The following NCKAP5 variants were observed in gnomAD, a reference collection of about 807,000 sequenced individuals.
The protein encoded by NCKAP5 is NCK associated protein 5.
A neutral mutation model predicts 167.0 loss-of-function variants in NCKAP5; 92 were observed. The observed-to-expected ratio is 0.55, with a 90% confidence interval of 0.47 to 0.66. The LOEUF is 0.66. Among genes scored for constraint, NCKAP5 ranks in the 30% least tolerant of loss-of-function variants. The probability of loss-of-function intolerance (pLI) is 0.00; values close to 1 mark genes in which losing one functional copy is unlikely to be tolerated. For synonymous variants in NCKAP5, 891 were observed against 877.4 expected (o/e 1.02, Z -0.27); for missense variants, 2,378 against 2,315.0 (o/e 1.03, Z -0.56).
chr2:133,574,166 TG>T, the NCKAP5 span, among the ~76,000 whole-genome samples: 1 of 152,100 alleles, frequency 6.6e-6, no homozygotes, highest in Non-Finnish European at 1.5e-5. Flanking sequence ...GACTTTCCCC[TG>T]TGTGAAACCT....
intron 1 of NCKAP5, among the ~76,000 whole-genome samples, chr2:133,565,220 C>T (rs1688462325): frequency 6.6e-6 from 1 of 152,174 alleles, no homozygotes; most frequent in Non-Finnish European, 1.5e-5. Context: ...TAATTCCCAT[C>T]GAAATCATCT....
At chr2:133,013,578 AATGACCTCTTACTGGGTTCCTCCC>A (rs1005949098) in intron 6 of NCKAP5, among the ~76,000 whole-genome samples, 3 of 152,114 alleles carry the variant, frequency 2.0e-5, no homozygotes, top group African/African-American at 7.2e-5. Flanking sequence ...TCCACAATTC[AATGACCTCTTACTGGGTTCCTCCC>A]ATGACACATG....
chr2:132,939,290 A>G (rs1017028188), intron 8 of NCKAP5, among the ~76,000 whole-genome samples: 16 of 152,240 alleles, frequency 1.1e-4, no homozygotes, highest in African/African-American at 3.6e-4. Flanking sequence ...GGCATTCTAC[A>G]GAACAGATAA....
At chr2:133,115,775 GTATATATATATATA>G (rs10683280) in intron 6 of NCKAP5, among the ~76,000 whole-genome samples, 1,107 of 94,304 alleles carry the variant, frequency 0.012, 36 homozygotes, top group East Asian at 0.046. Flanking sequence ...ATGTGTGTGT[GTATATATATATATA>G]TATATATATA....
intron 6 of NCKAP5, among the ~76,000 whole-genome samples, chr2:133,044,060 T>C (rs1400699540): frequency 6.6e-6 from 1 of 152,156 alleles, no homozygotes; most frequent in Non-Finnish European, 1.5e-5. Flanking sequence ...GTGATGTAAT[T>C]GGCATTGCAG....
chr2:132,895,558 G>C (rs187000366), intron 8 of NCKAP5, among the ~76,000 whole-genome samples: 2 of 152,202 alleles, frequency 1.3e-5, no homozygotes, highest in African/African-American at 4.8e-5. Flanking sequence ...TGGAGTCATT[G>C]CTGTGGCTGT....
chr2:133,574,856 C>A, the NCKAP5 span, among the ~76,000 whole-genome samples: 1 of 152,112 alleles, frequency 6.6e-6, no homozygotes, highest in African/African-American at 2.4e-5. Flanking sequence ...TGGGTAGGGG[C>A]AGCCAGAGGA....
intron 5 of NCKAP5, among the ~76,000 whole-genome samples, chr2:133,149,051 C>T (rs975379778): frequency 5.3e-5 from 8 of 152,082 alleles, no homozygotes; most frequent in African/African-American, 1.7e-4. Flanking sequence ...TGTCTTAATT[C>T]CTTGCCTTAT....
chr2:133,617,340 T>A, the NCKAP5 span, among the ~76,000 whole-genome samples: 53 of 151,750 alleles, frequency 3.5e-4, no homozygotes, highest in Non-Finnish European at 6.6e-4. Flanking sequence ...AGGCATTCAA[T>A]TAGGAAAAGA....
In NCKAP5 at chr2:133,518,385, C is replaced by T. The variant is rs530239535; in HGVS notation, c.-61-798G>A. Among the ~76,000 whole-genome samples, 165 of 101,144 alleles carry T rather than the reference C, an allele frequency of 1.6e-3. 1 individual carries two copies. Among genetic ancestry groups the T allele is most frequent in the Admixed American group, 2.7e-3 (17 of 6,270 alleles). The allele number at this position is 101,144 out of a possible 152,430, so 66.4% of individuals were successfully genotyped here. A position where few individuals can be genotyped will look rare whatever the true frequency, so the allele number is the denominator to read the frequency against. Reference sequence around the variant, plus strand: ...TTTTTTTTTTTTTGGGATGGAATCTCGCTCTGTCACCCAGGCTGGAGTACA... The same window carrying T: ...TTTTTTTTTTTTTGGGATGGAATCTTGCTCTGTCACCCAGGCTGGAGTACA... On this transcript the variant is annotated intron_variant, in intron 2 of 19. Transcript: ENST00000409261.
rs149013920 is a variant in NCKAP5 at position 133,411,655 on chromosome 2, A to G, written c.69+105803T>C. 4.8e-3 allele frequency among the ~76,000 whole-genome samples: 729 copies of G among 152,186 alleles called. 4 individuals carry two copies. Among genetic ancestry groups the G allele is most frequent in the Middle Eastern group, 0.017 (5 of 294 alleles). On this transcript the variant is annotated intron_variant, in intron 3 of 19. Transcript: ENST00000409261. ...TGAACGGAAAACAGGGAGGGTGCGG[A>G]TATCTTTGTGTACTCTGCTCTGATT...
At chr2:133,340,789 T>C (rs1347717566) in intron 3 of NCKAP5, among the ~76,000 whole-genome samples, 2 of 152,190 alleles carry the variant, frequency 1.3e-5, no homozygotes, top group Non-Finnish European at 2.9e-5. Context: ...GAGATGAATA[T>C]AAATCTTAAA....
intron 5 of NCKAP5, among the ~76,000 whole-genome samples, chr2:133,174,715 TC>T (rs546498041): frequency 0.052 from 7,433 of 143,302 alleles, 231 homozygotes; most frequent in African/African-American, 0.061. Flanking sequence ...TTTTTTTTTT[TC>T]TCCCCCCTGC....
At chr2:133,066,378 T>C (rs1287082213) in intron 6 of NCKAP5, among the ~76,000 whole-genome samples, 2 of 152,222 alleles carry the variant, frequency 1.3e-5, no homozygotes, top group Non-Finnish European at 2.9e-5. Context: ...TACAATTCTA[T>C]AATTAAATTC....
intron 19 of NCKAP5, among the ~76,000 whole-genome samples, chr2:132,684,627 T>C (rs1685690542): frequency 6.6e-6 from 1 of 152,176 alleles, no homozygotes; most frequent in Non-Finnish European, 1.5e-5. Context: ...ACTAGTTGTA[T>C]TATAAACTGC....
intron 6 of NCKAP5, among the ~76,000 whole-genome samples, chr2:133,008,064 T>A (rs911946338): frequency 1.3e-5 from 2 of 152,184 alleles, no homozygotes; most frequent in African/African-American, 2.4e-5. Flanking sequence ...TATATGGGAC[T>A]ACTACTCAGT....
chr2:132,725,447 C>G (rs1690356428), intron 19 of NCKAP5, among the ~76,000 whole-genome samples, 180 bp downstream of exon 19: 1 of 152,086 alleles, frequency 6.6e-6, no homozygotes, highest in Non-Finnish European at 1.5e-5. Context: ...AAGATTACAC[C>G]AGAAAACAAA....
the NCKAP5 span, among the ~76,000 whole-genome samples, chr2:133,583,785 G>A: frequency 5.9e-4 from 89 of 151,822 alleles, 2 homozygotes; most frequent in East Asian, 0.016. Context: ...GTGGAGTCTC[G>A]CTCTGTCGCC....
Position 132,785,373 on chromosome 2 carries a change from C to T in NCKAP5, c.1438G>A (p.Asp480Asn), listed in dbSNP as rs758470126. 1.1e-5 allele frequency: 17 copies of T among 1,613,994 alleles called. No individual in the cohort carries two copies. Among genetic ancestry groups the T allele is most frequent in the Middle Eastern group, 3.3e-4 (2 of 6,060 alleles). Residue 480 changes from aspartate to asparagine, a missense_variant, in exon 14 of 20, where the codon GAT becomes AAT. By Grantham distance (23) the Asp-to-Asn change is conservative. Around this residue, in one of 3 missense-constraint regions of NCKAP5, gnomAD observed 1,049 missense variants for 1,023.4 expected, o/e 1.02. Transcript: ENST00000409261. ...AGCAATGCTAAGGTGGAAGGGTCATCGTCCGCATCAACGTGGGAATCTAGA... is the reference window on the plus strand; with the variant it reads ...AGCAATGCTAAGGTGGAAGGGTCATTGTCCGCATCAACGTGGGAATCTAGA... ...YDLDSHVDAD[D>N]DPSTLALLQA...
Sources: gnomAD v4.1 joint callset for allele counts (sites outside exome capture counted in the v4.1 genomes callset) on GRCh38, gnomAD v4.1.1 for gene constraint, gnomAD v4.1.1 regional missense constraint, MANE v1.5 for transcripts, NCBI Gene and HGNC (gene_info 2026-07-23, HGNC 2026-07-21) for gene names.